SGMS1: variants seen among roughly 807,000 people sequenced by gnomAD.
SGMS1 encodes the protein sphingomyelin synthase 1.
Under a neutral mutation model 46.2 loss-of-function variants are expected in SGMS1, and 13 were observed. That is an observed-to-expected ratio of 0.28 (90% CI 0.18 to 0.45). The LOEUF (loss-of-function observed/expected upper bound fraction) is 0.45. SGMS1 is among the 20% of genes least tolerant of loss of function. SGMS1 has a pLI of 1.00. For missense variants in SGMS1, 324 were observed against 519.9 expected, an observed-to-expected ratio of 0.62 and a Z score of 3.66; for synonymous variants, 203 against 187.8, an observed-to-expected ratio of 1.08 and a Z score of -0.66.
intron 1 of SGMS1, among the ~76,000 whole-genome samples, chr10:50,597,796 TGAGG>T (rs1838609127): frequency 6.6e-6 from 1 of 152,098 alleles, no homozygotes; most frequent in African/African-American, 2.4e-5. Flanking sequence ...GTGGATCACC[TGAGG>T]TTGGGAGTTC....
At chr10:50,511,248 T>C (rs372049637) in intron 3 of SGMS1, among the ~76,000 whole-genome samples, 25 of 141,788 alleles carry the variant, frequency 1.8e-4, no homozygotes, top group African/African-American at 4.4e-4. Flanking sequence ...CACTCATTCA[T>C]ACACACACAC....
At position 50,477,741 on chromosome 10, in the gene SGMS1, A is replaced by G. The variant is rs114729004; in HGVS notation, c.-497-10809T>C. On this transcript the variant is annotated intron_variant, in intron 3 of 10. Coordinates refer to ENST00000361781, the MANE Select transcript of SGMS1 (RefSeq NM_147156.4). ...TGTCTCATGATAGAGTTCTCACAAGATCTGCTTGCTAAAACATGTGTAGTA... is the reference window on the plus strand; with the variant it reads ...TGTCTCATGATAGAGTTCTCACAAGGTCTGCTTGCTAAAACATGTGTAGTA... Among the ~76,000 whole-genome samples, 234 of 152,206 alleles carry G rather than the reference A, an allele frequency of 1.5e-3. 3 individuals carry two copies. The highest frequency in any genetic ancestry group is 5.6e-3 in the African/African-American group (233 of 41,510).
intron 1 of SGMS1, among the ~76,000 whole-genome samples, chr10:50,613,643 C>T (rs564779021): frequency 3.9e-5 from 6 of 152,184 alleles, no homozygotes; most frequent in Non-Finnish European, 7.3e-5. Flanking sequence ...TGATAACTAG[C>T]ACAGAGAAAA....
intron 3 of SGMS1, among the ~76,000 whole-genome samples, chr10:50,495,201 G>A (rs1837603772): frequency 7.9e-6 from 1 of 126,818 alleles, no homozygotes; most frequent in Non-Finnish European, 1.6e-5. Context: ...TCGCACCACT[G>A]CACTCTAGTC....
intron 6 of SGMS1, among the ~76,000 whole-genome samples, chr10:50,419,407 A>G (rs1849224712): frequency 6.6e-6 from 1 of 152,214 alleles, no homozygotes; most frequent in Non-Finnish European, 1.5e-5. Flanking sequence ...TGAGTCCCTC[A>G]TTTAAGTGGT....
intron 3 of SGMS1, among the ~76,000 whole-genome samples, chr10:50,503,575 G>A (rs1002747113): frequency 4.0e-5 from 6 of 151,886 alleles, no homozygotes; most frequent in African/African-American, 1.2e-4. Flanking sequence ...CTTATAAAAC[G>A]GCCCCACCCC....
intron 2 of SGMS1, among the ~76,000 whole-genome samples, chr10:50,552,109 G>A (rs1000206218): frequency 3.9e-5 from 6 of 152,200 alleles, no homozygotes; most frequent in Non-Finnish European, 8.8e-5. Flanking sequence ...TGGCCCACAA[G>A]TTACAGTGTG....
chr10:50,605,444 G>A (rs1269827797), intron 1 of SGMS1, among the ~76,000 whole-genome samples: 1 of 152,228 alleles, frequency 6.6e-6, no homozygotes, highest in Non-Finnish European at 1.5e-5. Flanking sequence ...AAACACTACT[G>A]CCAGATTTTC....
chr10:50,469,784 A>C (rs1837362692), intron 3 of SGMS1, among the ~76,000 whole-genome samples: 1 of 152,216 alleles, frequency 6.6e-6, no homozygotes, highest in Non-Finnish European at 1.5e-5. Flanking sequence ...CCTCTCAAGG[A>C]AAACACACTG....
At chr10:50,498,155 A>C (rs1308309965) in intron 3 of SGMS1, among the ~76,000 whole-genome samples, 1 of 151,946 alleles carries the variant, frequency 6.6e-6, no homozygotes, top group East Asian at 1.9e-4. Flanking sequence ...CTTGCCCACC[A>C]CCCCTGCTTT....
At chr10:50,622,759 G>A (rs1327972425) in intron 1 of SGMS1, among the ~76,000 whole-genome samples, 1 of 152,196 alleles carries the variant, frequency 6.6e-6, no homozygotes, top group African/African-American at 2.4e-5. Flanking sequence ...CTACTTCGCG[G>A]CACCAAAGAG....
intron 3 of SGMS1, among the ~76,000 whole-genome samples, chr10:50,519,324 G>A (rs1352605430): frequency 6.6e-6 from 1 of 152,124 alleles, no homozygotes. Flanking sequence ...TTCATCTCAG[G>A]TTAGCACTCT....
At chr10:50,624,007 G>A (rs1838885805), upstream of SGMS1, 6 of 985,482 alleles carry the variant, frequency 6.1e-6, no homozygotes, top group Non-Finnish European at 7.2e-6. Flanking sequence ...CCCGCGCGAC[G>A]CGACTCCGCT....
chr10:50,361,798 T>G (rs919735272), intron 6 of SGMS1, among the ~76,000 whole-genome samples: 1 of 152,134 alleles, frequency 6.6e-6, no homozygotes, highest in Non-Finnish European at 1.5e-5. Context: ...AGGCTTAAGC[T>G]CCCCACAGCT....
chr10:50,327,371 G>T, intron 7 of SGMS1, 49 bp from the exon 8 acceptor site: 1 of 1,087,216 alleles, frequency 9.2e-7, no homozygotes, highest in South Asian at 1.4e-5. Flanking sequence ...AAATTCTGTA[G>T]GTTCATTTAC....
chr10:50,375,699 C>G (rs2117958), intron 6 of SGMS1, among the ~76,000 whole-genome samples: 105,040 of 152,076 alleles, frequency 0.69, 36,513 homozygotes, highest in Middle Eastern at 0.81. Context: ...CGTGAAAGAT[C>G]GGAAGTAGTA....
chr10:50,378,480 T>C (rs972697766), intron 6 of SGMS1, among the ~76,000 whole-genome samples: 1 of 152,182 alleles, frequency 6.6e-6, no homozygotes, highest in African/African-American at 2.4e-5. Flanking sequence ...CTGAGACAAA[T>C]GAGTCCTAAA....
chr10:50,592,370 T>C (rs1024730444), intron 1 of SGMS1, among the ~76,000 whole-genome samples: 8 of 152,244 alleles, frequency 5.3e-5, no homozygotes, highest in African/African-American at 1.9e-4. Flanking sequence ...CTGTCCTTGC[T>C]TGCCTAGGTC....
At chr10:50,365,882 G>T (rs1848333369) in intron 6 of SGMS1, among the ~76,000 whole-genome samples, 1 of 152,134 alleles carries the variant, frequency 6.6e-6, no homozygotes, top group South Asian at 2.1e-4. Flanking sequence ...AAATGGTACT[G>T]CAATAAACAT....
Sources: allele counts gnomAD v4.1 joint callset (sites outside exome capture counted in the v4.1 genomes callset), GRCh38; gene constraint gnomAD v4.1.1; transcripts MANE v1.5; gene names NCBI Gene and HGNC (gene_info 2026-07-23, HGNC 2026-07-21).